Variants in DISC1 observed in about 807,000 individuals in gnomAD.
DISC1 encodes DISC1 scaffold protein, also known as disrupted in schizophrenia 1 protein.
DISC1 carries 57 observed loss-of-function variants against 84.5 expected under a neutral mutation model. That is an observed-to-expected ratio of 0.67 (90% CI 0.55 to 0.84). The LOEUF is 0.84. Ranked by LOEUF, DISC1 falls within the 40% of genes least tolerant of loss-of-function variation. The pLI, the probability that DISC1 is intolerant of heterozygous loss-of-function variation, is 0.00. For synonymous variants in DISC1, 411 were observed against 415.2 expected (o/e 0.99, Z 0.12); for missense variants, 1,000 against 1,057.8 (o/e 0.95, Z 0.76).
chr1:231,815,331 C>T (rs1348299963), intron 8 of DISC1: 1 of 152,184 alleles, frequency 6.6e-6, no homozygotes. Flanking sequence ...CCTATCTTGT[C>T]CCAGTCATCA....
intron 10 of DISC1, among the ~76,000 whole-genome samples, chr1:231,974,307 G>A (rs537568122): frequency 6.6e-5 from 10 of 152,164 alleles, no homozygotes; most frequent in South Asian, 2.1e-4. Flanking sequence ...CAAATATGCC[G>A]AAATATGATA....
At chr1:232,005,463 T>G (rs1462917325) in intron 10 of DISC1, among the ~76,000 whole-genome samples, 2 of 152,226 alleles carry the variant, frequency 1.3e-5, no homozygotes, top group East Asian at 3.8e-4. Flanking sequence ...TCACTGCTTT[T>G]AAGAGTTTTG....
intron 9 of DISC1, among the ~76,000 whole-genome samples, chr1:231,919,066 C>T (rs374291442): frequency 2.6e-5 from 4 of 152,266 alleles, no homozygotes; most frequent in African/African-American, 9.6e-5. Flanking sequence ...CATTTGTTTT[C>T]CCTCATATTT....
chr1:231,908,966 C>A (rs1251388468), intron 9 of DISC1, among the ~76,000 whole-genome samples: 1 of 152,098 alleles, frequency 6.6e-6, no homozygotes, highest in African/African-American at 2.4e-5. Context: ...ATCTGGCTCT[C>A]TGTTTGTCTG....
intron 9 of DISC1, among the ~76,000 whole-genome samples, chr1:231,892,278 A>G (rs902341494): frequency 2.0e-5 from 3 of 152,154 alleles, no homozygotes; most frequent in Non-Finnish European, 4.4e-5. Flanking sequence ...ATTGGGAATG[A>G]TTTTTCCCAT....
At chr1:231,641,962 C>CT (rs1007019855) in intron 1 of DISC1, among the ~76,000 whole-genome samples, 2 of 152,210 alleles carry the variant, frequency 1.3e-5, no homozygotes, top group Non-Finnish European at 2.9e-5. Context: ...CTCCTCAGGC[C>CT]TTGGGTGGTC....
At chr1:231,764,149 A>G (rs2075990292) in intron 4 of DISC1, among the ~76,000 whole-genome samples, 2 of 152,210 alleles carry the variant, frequency 1.3e-5, no homozygotes, top group African/African-American at 4.8e-5. Context: ...TGGCCTTTTT[A>G]GGATGCTGAG....
At chr1:231,937,630 CTGGGCCTGTGTGGAGGCGGGTGGA>C (rs1421164296) in intron 9 of DISC1, among the ~76,000 whole-genome samples, 3 of 152,150 alleles carry the variant, frequency 2.0e-5, no homozygotes, top group Non-Finnish European at 4.4e-5. Flanking sequence ...GCTCTGCTGG[CTGGGCCTGTGTGGAGGCGGGTGGA>C]TGGGGGGATG....
intron 9 of DISC1, among the ~76,000 whole-genome samples, chr1:231,937,974 G>A (rs528853384): frequency 2.6e-5 from 4 of 151,942 alleles, no homozygotes; most frequent in Admixed American, 6.6e-5. Context: ...ATCTCCTCCC[G>A]GGGGTTCTTG....
intron 3 of DISC1, among the ~76,000 whole-genome samples, chr1:231,703,850 G>A (rs769267419): frequency 6.6e-5 from 10 of 152,180 alleles, no homozygotes; most frequent in Non-Finnish European, 1.3e-4. Context: ...AGCATTCTGT[G>A]TTTTCCCAAG....
intron 1 of DISC1, among the ~76,000 whole-genome samples, chr1:231,646,258 A>AT (rs1319476860): frequency 1.1e-4 from 16 of 150,634 alleles, no homozygotes; most frequent in Non-Finnish European, 1.5e-4. Context: ...GCGGTGTTTG[A>AT]TTTTTTGTCC....
intron 6 of DISC1, among the ~76,000 whole-genome samples, chr1:231,791,622 T>C (rs2078359744): frequency 6.6e-6 from 1 of 152,242 alleles, no homozygotes; most frequent in South Asian, 2.1e-4. Context: ...GGTGTGTTTC[T>C]GAAAATGTGT....
chr1:231,726,468 A>C (rs2070716637), intron 3 of DISC1, among the ~76,000 whole-genome samples: 3 of 152,292 alleles, frequency 2.0e-5, no homozygotes, highest in Non-Finnish European at 4.4e-5. Flanking sequence ...GGAAGCACTG[A>C]GTTACACATG....
chr1:231,783,427 A>AT (rs1343115467), intron 6 of DISC1, among the ~76,000 whole-genome samples: 3 of 152,120 alleles, frequency 2.0e-5, no homozygotes, highest in Non-Finnish European at 2.9e-5. Flanking sequence ...TCCTGTTCTC[A>AT]TTTTTTCATT....
Position 231,729,888 on chromosome 1 carries a change from G to C in DISC1, c.1118-20038G>C, listed in dbSNP as rs181946193. ...TCCAGAAAGGGATGTACACATCACT[G>C]TGGTTTGAATTATATTTTAAAAAAT... On this transcript the variant is annotated intron_variant, in intron 3 of 12. Transcript: ENST00000439617. 1.1e-4 allele frequency among the ~76,000 whole-genome samples: 16 copies of C among 152,260 alleles called. No individual in the cohort carries two copies. The East Asian group carries it at 2.9e-3, about 28-fold the overall frequency.
At chr1:231,767,118 A>C in intron 4 of DISC1, 22 bp from the exon 5 acceptor site, 1 of 1,613,550 alleles carries the variant, frequency 6.2e-7, no homozygotes, top group South Asian at 1.1e-5. Context: ...TACCTGTACC[A>C]ATAGGTATGT....
rs116342046 is a variant in DISC1, at chr1:231,807,983, C to T, written c.1792+7773C>T. On this transcript the variant is annotated intron_variant, in intron 8 of 12. Coordinates refer to ENST00000439617, the MANE Select transcript of DISC1 (RefSeq NM_018662.3). ...TCCCTTTAAAATGGTAGATGTTGGC[C>T]ATCTTTTTCTTTTTTCTTTGCATTC... 7.6e-3 allele frequency among the ~76,000 whole-genome samples: 1,160 copies of T among 152,230 alleles called. 8 individuals carry two copies. Among genetic ancestry groups the T allele is most frequent in the African/African-American group, 0.025 (1,042 of 41,528 alleles).
intron 3 of DISC1, among the ~76,000 whole-genome samples, chr1:231,747,396 A>G (rs2074110467): frequency 6.6e-6 from 1 of 152,134 alleles, no homozygotes; most frequent in Non-Finnish European, 1.5e-5. Flanking sequence ...TTGGTCTTAC[A>G]TTTAGGTCTT....
intron 9 of DISC1, among the ~76,000 whole-genome samples, chr1:231,908,138 T>C (rs1418051909): frequency 2.6e-5 from 4 of 152,256 alleles, no homozygotes; most frequent in Admixed American, 6.5e-5. Context: ...CTGTTCACTC[T>C]GATGGTAGTT....
Sources: allele counts gnomAD v4.1 joint callset (sites outside exome capture counted in the v4.1 genomes callset), GRCh38; gene constraint gnomAD v4.1.1; transcripts MANE v1.5; gene names NCBI Gene and HGNC (gene_info 2026-07-23, HGNC 2026-07-21).